Variants in ZNF804B observed in about 807,000 individuals in gnomAD.
The protein encoded by ZNF804B is zinc finger protein 804B.
A neutral mutation model predicts 101.4 loss-of-function variants in ZNF804B; 80 were observed. The observed-to-expected ratio is 0.79, with a 90% CI of 0.66 to 0.95. The LOEUF is 0.95. ZNF804B is among the 40% of genes least tolerant of loss of function. ZNF804B has a pLI of 0.00. For missense variants in ZNF804B, 1,673 were observed against 1,561.9 expected (o/e 1.07, Z -1.20); for synonymous variants, 622 against 558.8 (o/e 1.11, Z -1.59).
chr7:89,284,279 T>C (rs142509109), intron 2 of ZNF804B, among the ~76,000 whole-genome samples: 2 of 152,336 alleles, frequency 1.3e-5, no homozygotes, highest in East Asian at 3.9e-4. Flanking sequence ...GGGAAGTTCA[T>C]CTCTCCAATT....
At chr7:89,241,990 AC>A (rs747725202) in intron 2 of ZNF804B, among the ~76,000 whole-genome samples, 9 of 151,478 alleles carry the variant, frequency 5.9e-5, no homozygotes, top group African/African-American at 1.5e-4. Context: ...ATCCTGTAAA[AC>A]TTAATTTACA....
chr7:89,095,283 GA>G (rs1217580801), intron 1 of ZNF804B, among the ~76,000 whole-genome samples: 10 of 152,162 alleles, frequency 6.6e-5, no homozygotes, highest in African/African-American at 2.4e-4. Flanking sequence ...TGCCATCTTG[GA>G]AGCAGAGAGC....
intron 1 of ZNF804B, among the ~76,000 whole-genome samples, chr7:88,816,512 C>T (rs896328399): frequency 6.6e-5 from 10 of 151,978 alleles, no homozygotes; most frequent in African/African-American, 9.7e-5. Flanking sequence ...CCAGAATCTA[C>T]GATGAACTCA....
intron 1 of ZNF804B, among the ~76,000 whole-genome samples, chr7:89,096,533 G>T (rs1297921009): frequency 5.3e-5 from 8 of 152,134 alleles, no homozygotes; most frequent in Non-Finnish European, 1.0e-4. Context: ...TCTGTTTATT[G>T]TAGTGTGAGA....
chr7:89,259,696 A>G (rs1211306336), intron 2 of ZNF804B, among the ~76,000 whole-genome samples: 1 of 152,188 alleles, frequency 6.6e-6, no homozygotes, highest in Non-Finnish European at 1.5e-5. Context: ...GTCCAATAGC[A>G]AAAGAATGTT....
At position 89,187,830 on chromosome 7, in the gene ZNF804B, A is replaced by G. The variant is rs868557925; in HGVS notation, c.109-30325A>G. Among the ~76,000 whole-genome samples, 7 of 152,294 alleles carry G rather than the reference A, an allele frequency of 4.6e-5. No individual in the cohort carries two copies. The Middle Eastern group carries it at 0.01, about 222-fold the overall frequency. Reference sequence around the variant, plus strand: ...TTCCAAAGTAACAAAAGTTAATGACACTGTGTTAGAGTTCAAAAGAAACTT... The same window carrying G: ...TTCCAAAGTAACAAAAGTTAATGACGCTGTGTTAGAGTTCAAAAGAAACTT... On this transcript the variant is annotated intron_variant, in intron 1 of 3. Coordinates refer to ENST00000333190, the MANE Select transcript of ZNF804B (RefSeq NM_181646.5).
At chr7:89,227,662 G>A (rs978525801) in intron 2 of ZNF804B, among the ~76,000 whole-genome samples, 1 of 152,080 alleles carries the variant, frequency 6.6e-6, no homozygotes, top group African/African-American at 2.4e-5. Flanking sequence ...TATGAACAAG[G>A]GCCTAAAGGA....
At chr7:89,215,893 AAATAAATAAAT>A (rs1390816115) in intron 1 of ZNF804B, among the ~76,000 whole-genome samples, 6 of 148,286 alleles carry the variant, frequency 4.0e-5, no homozygotes, top group Non-Finnish European at 9.0e-5. Flanking sequence ...CTAAATAAAT[AAATAAATAAAT>A]AAATAAATAA....
At chr7:89,045,268 C>T (rs752372640) in intron 1 of ZNF804B, among the ~76,000 whole-genome samples, 30 of 152,214 alleles carry the variant, frequency 2.0e-4, no homozygotes, top group Non-Finnish European at 4.4e-5. Flanking sequence ...CCTGGATGTC[C>T]AGGCAGAAGT....
chr7:89,302,748 A>T (rs1480333191), intron 2 of ZNF804B, among the ~76,000 whole-genome samples: 1 of 151,882 alleles, frequency 6.6e-6, no homozygotes, highest in Non-Finnish European at 1.5e-5. Context: ...CTAACACATA[A>T]ACCATCTTTG....
chr7:88,760,985 G>T lies in ZNF804B; in HGVS notation c.108+901G>T, dbSNP rs1002529766. On this transcript the variant is annotated intron_variant, in intron 1 of 3. Coordinates refer to ENST00000333190, the MANE Select transcript of ZNF804B (RefSeq NM_181646.5). Reference sequence around the variant, plus strand: ...TAGTGACTAAGTATCCAAACTTAAAGACCAACTTTTGAGGTTTCATATAAA... The same window carrying T: ...TAGTGACTAAGTATCCAAACTTAAATACCAACTTTTGAGGTTTCATATAAA... Among the ~76,000 whole-genome samples the T allele has an allele frequency of 4.0e-5, 6 of 148,666 alleles. No homozygotes were observed. The Admixed American group carries it at 4.0e-4, about 10-fold the overall frequency.
At chr7:89,260,577 A>G (rs574438728) in intron 2 of ZNF804B, among the ~76,000 whole-genome samples, 40 of 152,178 alleles carry the variant, frequency 2.6e-4, no homozygotes, top group Non-Finnish European at 4.3e-4. Flanking sequence ...AAGTTTTCAC[A>G]TAATGACTTC....
At chr7:88,874,325 C>T (rs1453561930) in intron 1 of ZNF804B, among the ~76,000 whole-genome samples, 5 of 151,664 alleles carry the variant, frequency 3.3e-5, no homozygotes, top group Non-Finnish European at 5.9e-5. Flanking sequence ...GATTTTGTAT[C>T]CTGAGACTTT....
intron 1 of ZNF804B, among the ~76,000 whole-genome samples, chr7:89,064,581 C>A (rs1789426263): frequency 1.3e-5 from 2 of 152,106 alleles, no homozygotes; most frequent in Admixed American, 1.3e-4. Context: ...AAAGTCTGGT[C>A]ATACAACCAT....
intron 1 of ZNF804B, among the ~76,000 whole-genome samples, chr7:88,929,763 G>A (rs538063417): frequency 6.6e-6 from 1 of 152,044 alleles, no homozygotes; most frequent in Non-Finnish European, 1.5e-5. Flanking sequence ...ACTATCATTA[G>A]TGTAATGGTG....
At chr7:88,998,120 G>A (rs1410144015) in intron 1 of ZNF804B, among the ~76,000 whole-genome samples, 5 of 151,882 alleles carry the variant, frequency 3.3e-5, no homozygotes, top group South Asian at 4.2e-4. Context: ...GTATACTCAC[G>A]TTCTTCCATC....
intron 1 of ZNF804B, among the ~76,000 whole-genome samples, chr7:88,843,402 T>C (rs1003862824): frequency 6.6e-6 from 1 of 152,144 alleles, no homozygotes; most frequent in African/African-American, 2.4e-5. Context: ...TTTTTTATGA[T>C]GTCACTATAA....
chr7:89,047,740 C>T (rs995882597), intron 1 of ZNF804B, among the ~76,000 whole-genome samples: 1 of 152,082 alleles, frequency 6.6e-6, no homozygotes, highest in African/African-American at 2.4e-5. Context: ...TCAGGGCACT[C>T]TCTGATGTTA....
At chr7:89,037,223 G>A (rs2027976) in intron 1 of ZNF804B, among the ~76,000 whole-genome samples, 114,477 of 151,836 alleles carry the variant, frequency 0.75, 43,171 homozygotes, top group Middle Eastern at 0.77. Context: ...TTGGTTCCTT[G>A]CAATACCAAT....
Sources: gnomAD v4.1 joint callset for allele counts (sites outside exome capture counted in the v4.1 genomes callset) on GRCh38, gnomAD v4.1.1 for gene constraint, MANE v1.5 for transcripts, NCBI Gene and HGNC (gene_info 2026-07-23, HGNC 2026-07-21) for gene names.